Variants in PRR16 observed in about 807,000 individuals in gnomAD.
PRR16 encodes protein Largen.
In PRR16, 6 loss-of-function variants were observed where a neutral mutation model predicts 18.2. That is an observed-to-expected ratio of 0.33 (90% CI 0.18 to 0.65). PRR16 has a LOEUF of 0.65. PRR16 is among the 30% of genes least tolerant of loss of function. PRR16 has a pLI of 0.74. For synonymous variants in PRR16, 151 were observed against 147.8 expected (o/e 1.02, Z -0.16); for missense variants, 412 against 376.6 (o/e 1.09, Z -0.78).
At chr5:120,618,453 C>T in intron 1 of PRR16, 1 of 964,878 alleles carries the variant, frequency 1.0e-6, no homozygotes, top group African/African-American at 1.8e-5. Context: ...TTGTTAGGTG[C>T]TGTGTCATGA....
chr5:120,476,179 C>A (rs185712284), intron 1 of PRR16, among the ~76,000 whole-genome samples: 2 of 152,220 alleles, frequency 1.3e-5, no homozygotes, highest in Admixed American at 1.3e-4. Context: ...GGGCCAGTCC[C>A]CTGCTTAAAA....
the PRR16 span, among the ~76,000 whole-genome samples, chr5:120,788,640 C>T: frequency 7.9e-5 from 12 of 152,180 alleles, no homozygotes; most frequent in African/African-American, 2.9e-4. Context: ...AAAGTTAGGC[C>T]AGTTCCAAAC....
the PRR16 span, among the ~76,000 whole-genome samples, chr5:120,707,199 G>A: frequency 6.6e-6 from 1 of 152,172 alleles, no homozygotes; most frequent in Non-Finnish European, 1.5e-5. Flanking sequence ...AGGCCATCTT[G>A]TTCACCATTA....
chr5:120,637,672 A>G (rs1755284200), intron 1 of PRR16, among the ~76,000 whole-genome samples: 1 of 152,068 alleles, frequency 6.6e-6, no homozygotes, highest in Non-Finnish European at 1.5e-5. Context: ...GGCAAGAGAT[A>G]AAAGACTATA....
the PRR16 span, among the ~76,000 whole-genome samples, chr5:120,702,058 T>A: frequency 6.6e-6 from 1 of 150,568 alleles, no homozygotes; most frequent in South Asian, 2.1e-4. Flanking sequence ...GAATGGAGGG[T>A]GAAAGATTGC....
chr5:120,567,614 G>A (rs193280392), intron 1 of PRR16, among the ~76,000 whole-genome samples: 4 of 152,214 alleles, frequency 2.6e-5, no homozygotes, highest in African/African-American at 9.6e-5. Context: ...CATGGGGGCG[G>A]ATTTCCCACT....
At chr5:120,695,823 C>G in the PRR16 span, among the ~76,000 whole-genome samples, 2 of 152,100 alleles carry the variant, frequency 1.3e-5, no homozygotes, top group African/African-American at 4.8e-5. Flanking sequence ...GATTTATGGC[C>G]CAGCCTGAAA....
At chr5:120,559,741 G>A (rs1052286141) in intron 1 of PRR16, among the ~76,000 whole-genome samples, 4 of 151,744 alleles carry the variant, frequency 2.6e-5, no homozygotes, top group Non-Finnish European at 5.9e-5. Flanking sequence ...AGATTACTTC[G>A]GGTAGTATGA....
At chr5:120,555,972 T>C (rs1193931135) in intron 1 of PRR16, among the ~76,000 whole-genome samples, 1 of 151,922 alleles carries the variant, frequency 6.6e-6, no homozygotes, top group Non-Finnish European at 1.5e-5. Flanking sequence ...AGAAGTTGTA[T>C]GTCAGCTAAG....
At chr5:120,754,271 AAAT>A in the PRR16 span, among the ~76,000 whole-genome samples, 82 of 30,314 alleles carry the variant, frequency 2.7e-3, 1 homozygote, top group South Asian at 0.011. Context: ...TATAAATATA[AAAT>A]AATATATAAA....
At chr5:120,648,251 A>G (rs1020219456) in intron 1 of PRR16, among the ~76,000 whole-genome samples, 12 of 152,130 alleles carry the variant, frequency 7.9e-5, no homozygotes, top group Non-Finnish European at 1.5e-4. Context: ...AACAGCTAAT[A>G]TTTATTGAGT....
chr5:120,691,372 C>A (rs906077075), downstream of PRR16, among the ~76,000 whole-genome samples: 1 of 152,172 alleles, frequency 6.6e-6, no homozygotes, highest in African/African-American at 2.4e-5. Flanking sequence ...GGATTTCAGG[C>A]AATTTAGCTA....
At chr5:120,675,126 T>G (rs2150149653) in intron 1 of PRR16, among the ~76,000 whole-genome samples, 1 of 152,312 alleles carries the variant, frequency 6.6e-6, no homozygotes, top group East Asian at 1.9e-4. Flanking sequence ...AATCTCACGA[T>G]ACTTAGTCAT....
At chr5:120,486,577 G>T (rs545516555) in intron 1 of PRR16, among the ~76,000 whole-genome samples, 2,324 of 151,720 alleles carry the variant, frequency 0.015, 17 homozygotes, top group Middle Eastern at 0.11. Flanking sequence ...TTGCAAAAAT[G>T]TTCTCCCATT....
chr5:120,720,434 C>T, the PRR16 span, among the ~76,000 whole-genome samples: 1 of 151,952 alleles, frequency 6.6e-6, no homozygotes, highest in African/African-American at 2.4e-5. Flanking sequence ...TGAAGTCCTC[C>T]CAACCCTCTC....
chr5:120,745,674 G>A, the PRR16 span, among the ~76,000 whole-genome samples: 1 of 145,662 alleles, frequency 6.9e-6, no homozygotes, highest in Admixed American at 6.8e-5. Context: ...TTTTAGCCTT[G>A]TATTTATTTT....
At chr5:120,482,496 T>C (rs200686416) in intron 1 of PRR16, among the ~76,000 whole-genome samples, 2 of 152,226 alleles carry the variant, frequency 1.3e-5, no homozygotes, top group East Asian at 3.8e-4. Context: ...TTCCATGGTG[T>C]ATATGTACCA....
chr5:120,656,923 G>T (rs993406892), intron 1 of PRR16, among the ~76,000 whole-genome samples: 2 of 151,940 alleles, frequency 1.3e-5, no homozygotes, highest in African/African-American at 4.8e-5. Context: ...GAATATTTGA[G>T]GTTAAAATAA....
chr5:120,553,221 T>C lies in PRR16; in HGVS notation c.159+88576T>C, dbSNP rs116124192. On this transcript the variant is annotated intron_variant, in intron 1 of 1. Coordinates refer to ENST00000407149, the MANE Select transcript of PRR16 (RefSeq NM_001300783.2). ...CTCATCACATTCATTTAATGTTTGGTAGGACTACTAAAAAATAAATTAAGG... is the reference window on the plus strand; with the variant it reads ...CTCATCACATTCATTTAATGTTTGGCAGGACTACTAAAAAATAAATTAAGG... Among the ~76,000 whole-genome samples, 547 of 151,980 alleles carry C rather than the reference T, an allele frequency of 3.6e-3. 1 individual carries two copies. The highest frequency in any genetic ancestry group is 0.012 in the African/African-American group (517 of 41,500).
Sources: gnomAD v4.1 joint callset for allele counts (sites outside exome capture counted in the v4.1 genomes callset) on GRCh38, gnomAD v4.1.1 for gene constraint, MANE v1.5 for transcripts, NCBI Gene and HGNC (gene_info 2026-07-23, HGNC 2026-07-21) for gene names.